The following MROH2B variants were observed in gnomAD, a reference collection of about 807,000 sequenced individuals.
The protein encoded by MROH2B is maestro heat-like repeat-containing protein family member 2B.
MROH2B carries 177 observed loss-of-function variants against 208.6 expected under a neutral mutation model. The ratio of observed to expected loss-of-function variants is 0.85; its 90% CI spans 0.75 to 0.96. The LOEUF is 0.96. Ranked by LOEUF, MROH2B falls within the 40% of genes least tolerant of loss-of-function variation. The pLI is 0.00. For synonymous variants in MROH2B, 728 were observed against 659.0 expected, an observed-to-expected ratio of 1.10 and a Z score of -1.60; for missense variants, 2,002 against 1,878.7, an observed-to-expected ratio of 1.07 and a Z score of -1.21.
Position 41,070,883 on chromosome 5 carries a change from A to G in MROH2B, c.-31T>C. 1 of 1,606,842 alleles carries G rather than the reference A, an allele frequency of 6.2e-7. No individual in the cohort carries two copies. Among genetic ancestry groups the G allele is most frequent in the Non-Finnish European group, 8.5e-7 (1 of 1,176,016 alleles). On this transcript the variant is annotated 5_prime_UTR_variant, in exon 1 of 42. Coordinates refer to ENST00000399564, the MANE Select transcript of MROH2B (RefSeq NM_173489.5). ...GGCTGTTTCAGGGTCTCTAAAAGAT[A>G]GCACCTAAGTATTAGAAATAGTAAG... is the stretch of plus-strand genomic sequence containing the variant.
In MROH2B at chr5:41,008,572, C is replaced by T. The variant is rs761180654; in HGVS notation, c.3608+34G>A. 5 of 1,607,554 alleles carry T rather than the reference C, an allele frequency of 3.1e-6. No homozygotes were observed. The Middle Eastern group carries it at 7.9e-4, about 254-fold the overall frequency. On this transcript the variant is annotated intron_variant, in intron 33 of 41. Coordinates refer to ENST00000399564, the MANE Select transcript of MROH2B (RefSeq NM_173489.5). Reference sequence around the variant, plus strand: ...CACTCCTGGAGTCTGGGATTAGGACCACTGTGGAAGATGCTTCCTGATTGG... The same window carrying T: ...CACTCCTGGAGTCTGGGATTAGGACTACTGTGGAAGATGCTTCCTGATTGG...
At position 41,005,666 on chromosome 5, in the gene MROH2B, CAG is replaced by C. The variant is rs780118740; in HGVS notation, c.3750-23_3750-22del. The C allele has an allele frequency of 3.8e-6, 6 of 1,563,698 alleles. No homozygotes were observed. The African/African-American group carries it at 6.8e-5, about 18-fold the overall frequency. On this transcript the variant is annotated intron_variant, in intron 34 of 41. Coordinates refer to ENST00000399564, the MANE Select transcript of MROH2B (RefSeq NM_173489.5). ...TGCTCCTAGAAAATGCACATTTTAG[CAG>C]AGACATATTTTACTAAACAATGGAG...
intron 24 of MROH2B, among the ~76,000 whole-genome samples, chr5:41,032,212 CT>C (rs1213329897): frequency 4.6e-5 from 7 of 152,082 alleles, no homozygotes; most frequent in African/African-American, 1.4e-4. Flanking sequence ...TAAGTGTTTC[CT>C]TTTCTCCACA....
At chr5:41,004,713 A>G (rs781418842) in intron 36 of MROH2B, 61 bp downstream of exon 36, 5 of 1,572,940 alleles carry the variant, frequency 3.2e-6, no homozygotes, top group Non-Finnish European at 4.3e-6. Flanking sequence ...GGCGTGGGTT[A>G]TTAAATCATT....
In MROH2B at chr5:41,004,762, AAC is replaced by A; in HGVS notation, c.4011+10_4011+11del. 1 of 1,607,682 alleles carries A rather than the reference AAC, an allele frequency of 6.2e-7. No homozygotes were observed. Among genetic ancestry groups the A allele is most frequent in the Non-Finnish European group, 8.5e-7 (1 of 1,178,102 alleles). On this transcript the variant is annotated intron_variant, in intron 36 of 41. Coordinates refer to ENST00000399564, the MANE Select transcript of MROH2B (RefSeq NM_173489.5). ...ACTTAAATGAACCATTTCCCCTTAAAACGCCTTTTACCTTGTGAGGAGCCCCG... is the reference window on the plus strand; with the variant it reads ...ACTTAAATGAACCATTTCCCCTTAAAGCCTTTTACCTTGTGAGGAGCCCCG...
At position 41,061,588 on chromosome 5, in the gene MROH2B, A is replaced by C. The variant is rs747946874; in HGVS notation, c.597T>G (p.Pro199=). ...LFWYIMEKWA[P]LASPMQTLSI... is the part of the protein sequence containing the mutation. ...CACTCACCTGCATGGGTGAGGCCAA[A>C]GGGGCCCACTTCTCCATTATATACC... The change falls in exon 6 of 42, where the codon CCT becomes CCG. Residue 199 remains proline, a synonymous_variant. Coordinates refer to ENST00000399564, the MANE Select transcript of MROH2B (RefSeq NM_173489.5). 6.2e-7 allele frequency: 1 copy of C among 1,613,110 alleles called. No individual in the cohort carries two copies. Among genetic ancestry groups the C allele is most frequent in the East Asian group, 2.2e-5 (1 of 44,848 alleles).
chr5:41,058,399 T>C (rs1209310165), intron 6 of MROH2B, among the ~76,000 whole-genome samples, 196 bp from the exon 7 acceptor site: 1 of 152,200 alleles, frequency 6.6e-6, no homozygotes, highest in East Asian at 1.9e-4. Context: ...TATATTTGTA[T>C]TTACATATGT....
intron 34 of MROH2B, among the ~76,000 whole-genome samples, chr5:41,006,151 A>T (rs1741584777): frequency 6.6e-6 from 1 of 152,190 alleles, no homozygotes; most frequent in South Asian, 2.1e-4. Flanking sequence ...TTGTCTAAAC[A>T]ATCCCATCAA....
In MROH2B at chr5:41,005,569, C is replaced by A. The variant is rs1243576542; in HGVS notation, c.3826G>T (p.Glu1276Ter). 3 of 1,609,894 alleles carry A rather than the reference C, an allele frequency of 1.9e-6. No homozygotes were observed. The highest frequency in any genetic ancestry group is 4.5e-5 in the East Asian group (2 of 44,742). Residue 1276 changes from glutamate (E) to a stop codon, truncating the protein, a stop_gained, in exon 35 of 42, where the codon GAG (glutamate) becomes TAG (stop). Transcript: ENST00000399564. LOFTEE classifies it high-confidence loss of function. The part of the protein sequence containing the change: ...QLLSSLTSSS[E>*]NYRITGAAFF... ...GCTGCGCCGGTTATCCGGTAGTTCT[C>A]CGAGGAGGAGGTAAGAGATGAGAGC...
chr5:41,046,876 G>A (rs1209958744), intron 17 of MROH2B, among the ~76,000 whole-genome samples: 1 of 152,114 alleles, frequency 6.6e-6, no homozygotes, highest in Non-Finnish European at 1.5e-5. Flanking sequence ...GGAGAGTAGA[G>A]CAGTCACTTT....
At position 41,055,855 on chromosome 5, in the gene MROH2B, G is replaced by T. The variant is rs773695331; in HGVS notation, c.920C>A (p.Ala307Asp). The T allele has an allele frequency of 6.2e-7, 1 of 1,607,380 alleles. No homozygotes were observed. The highest frequency in any genetic ancestry group is 8.5e-7 in the Non-Finnish European group (1 of 1,174,080). ...MKASSCFLIL[A>D]HSNPGELMEF... is the part of the protein sequence containing the mutation. ...CATCAGCTCTCCAGGATTGGAATGG[G>T]CTGCAGGTTCAAGAAACACTAGAGC... Residue 307 changes from alanine to aspartate, a missense_variant and splice_region_variant, in exon 10 of 42, where the codon GCC (alanine) becomes GAC (aspartate). Ala to Asp is a moderately radical substitution (Grantham distance 126, BLOSUM62 -2). Coordinates refer to ENST00000399564, the MANE Select transcript of MROH2B (RefSeq NM_173489.5).
Position 41,000,730 on chromosome 5 carries a change from C to T in MROH2B, c.4298G>A (p.Ser1433Asn). Reference sequence around the variant, plus strand: ...AAGGTGCAGAAGGAATGAAATCAGGCTCTTTTTTATTTCTTCAGCAAAAAA... The same window carrying T: ...AAGGTGCAGAAGGAATGAAATCAGGTTCTTTTTTATTTCTTCAGCAAAAAA... ...KIFFAEEIKK[S>N]LISFLLHLWD... is the part of the protein sequence containing the mutation. Residue 1433 changes from serine to asparagine, a missense_variant, in exon 38 of 42, where the codon AGC becomes AAC. Transcript: ENST00000399564. 1.2e-6 allele frequency: 2 copies of T among 1,612,288 alleles called. No homozygotes were observed. The highest frequency in any genetic ancestry group is 1.3e-5 in the African/African-American group (1 of 75,008).
intron 28 of MROH2B, among the ~76,000 whole-genome samples, chr5:41,017,105 G>A (rs950343099): frequency 2.6e-5 from 4 of 152,182 alleles, no homozygotes; most frequent in Non-Finnish European, 5.9e-5. Flanking sequence ...ACATAGGCAG[G>A]CATAAGGTGG....
intron 14 of MROH2B, 51 bp from the exon 15 acceptor site, chr5:41,049,192 G>A (rs1468263161): frequency 2.5e-6 from 4 of 1,605,914 alleles, no homozygotes; most frequent in Admixed American, 3.4e-5. Flanking sequence ...AGAGATTGGG[G>A]TTGGGTTTAA....
At chr5:41,019,136 G>A in intron 24 of MROH2B, 118 bp from the exon 25 acceptor site, 1 of 1,251,332 alleles carries the variant, frequency 8.0e-7, no homozygotes, top group Non-Finnish European at 1.1e-6. Flanking sequence ...CACATTTTCT[G>A]ACACGTTGGG....
chr5:41,025,864 A>T (rs1368585444), intron 24 of MROH2B, among the ~76,000 whole-genome samples: 1 of 152,248 alleles, frequency 6.6e-6, no homozygotes, highest in Non-Finnish European at 1.5e-5. Context: ...CATCCCAGGG[A>T]TGCAAGGCTG....
Position 41,018,712 on chromosome 5 carries a change from C to G in MROH2B, c.2652G>C (p.Glu884Asp), listed in dbSNP as rs1354786156. The G allele has an allele frequency of 1.9e-6, 3 of 1,613,906 alleles. No homozygotes were observed. Among genetic ancestry groups the G allele is most frequent in the Non-Finnish European group, 2.5e-6 (3 of 1,179,860 alleles). Residue 884 changes from glutamate (E) to aspartate (D), a missense_variant, in exon 26 of 42, where the codon GAG becomes GAC. Coordinates refer to ENST00000399564, the MANE Select transcript of MROH2B (RefSeq NM_173489.5). ...KTMMWDNVNA[E>D]DCQEMFNLLQ... ...TCACATTAAACATTTCTTGACAGTC[C>G]TCTGCATTCACATTATCCCACATCA...
At chr5:41,006,859 A>G (rs757397204) in intron 34 of MROH2B, among the ~76,000 whole-genome samples, 6 of 152,162 alleles carry the variant, frequency 3.9e-5, no homozygotes, top group African/African-American at 1.4e-4. Context: ...GAGGTGAGGG[A>G]TAAGCCTACA....
chr5:41,023,110 G>T (rs796454133), intron 24 of MROH2B, among the ~76,000 whole-genome samples: 92 of 152,274 alleles, frequency 6.0e-4, no homozygotes, highest in African/African-American at 2.1e-3. Context: ...GAGCAGAAAA[G>T]CTGAAAATTC....
Sources: allele counts gnomAD v4.1 joint callset (sites outside exome capture counted in the v4.1 genomes callset), GRCh38; gene constraint gnomAD v4.1.1; transcripts MANE v1.5; gene names NCBI Gene and HGNC (gene_info 2026-07-23, HGNC 2026-07-21).